NEGR1: variants seen among roughly 807,000 people sequenced by gnomAD.
NEGR1 encodes IgLON family member 4.
A neutral mutation model predicts 40.9 loss-of-function variants in NEGR1; 10 were observed. The ratio of observed to expected loss-of-function variants is 0.24; its 90% CI spans 0.15 to 0.42. The LOEUF (loss-of-function observed/expected upper bound fraction) is 0.42. NEGR1 is among the 10% of genes least tolerant of loss of function. The pLI is 1.00. For synonymous variants in NEGR1, 185 were observed against 166.8 expected, an observed-to-expected ratio of 1.11 and a Z score of -0.84; for missense variants, 352 against 438.9, an observed-to-expected ratio of 0.80 and a Z score of 1.77.
intron 1 of NEGR1, among the ~76,000 whole-genome samples, chr1:72,004,339 C>T (rs1419323274): frequency 6.6e-6 from 1 of 152,078 alleles, no homozygotes; most frequent in Non-Finnish European, 1.5e-5. Flanking sequence ...GAGAGTTTCC[C>T]TGTCTTGTCC....
intron 2 of NEGR1, among the ~76,000 whole-genome samples, chr1:71,805,846 G>T (rs1657750664): frequency 6.6e-6 from 1 of 152,092 alleles, no homozygotes; most frequent in South Asian, 2.1e-4. Context: ...AGTGGTTAAT[G>T]AAAAAATAAT....
chr1:72,026,303 T>G (rs368947446), intron 1 of NEGR1, among the ~76,000 whole-genome samples: 81 of 151,656 alleles, frequency 5.3e-4, no homozygotes, highest in African/African-American at 1.9e-3. Context: ...GCAGTCATTT[T>G]CTAGTTCGAT....
intron 4 of NEGR1, among the ~76,000 whole-genome samples, chr1:71,647,721 A>G (rs1651578581): frequency 6.6e-6 from 1 of 151,926 alleles, no homozygotes; most frequent in Non-Finnish European, 1.5e-5. Context: ...CTTTATGACT[A>G]ATGTCACTAT....
intron 1 of NEGR1, among the ~76,000 whole-genome samples, chr1:72,108,443 T>C (rs1183034145): frequency 6.6e-6 from 1 of 151,620 alleles, no homozygotes; most frequent in Non-Finnish European, 1.5e-5. Context: ...ATATGATTAA[T>C]TGGTTTGTAG....
At chr1:71,987,324 C>A (rs917371686) in intron 1 of NEGR1, among the ~76,000 whole-genome samples, 2 of 152,144 alleles carry the variant, frequency 1.3e-5, no homozygotes, top group African/African-American at 4.8e-5. Context: ...AGCTTCACAT[C>A]TGACACACAA....
chr1:71,646,129 T>G (rs1212437504), intron 4 of NEGR1, among the ~76,000 whole-genome samples: 1 of 151,828 alleles, frequency 6.6e-6, no homozygotes, highest in Non-Finnish European at 1.5e-5. Flanking sequence ...TGCTTGTGTA[T>G]GTATACATAT....
chr1:71,925,506 T>C (rs940811228), intron 2 of NEGR1, among the ~76,000 whole-genome samples: 1 of 152,192 alleles, frequency 6.6e-6, no homozygotes, highest in African/African-American at 2.4e-5. Context: ...CCAGTTTTAA[T>C]TGTGTCCATT....
chr1:71,676,444 C>A (rs539420570), intron 4 of NEGR1, among the ~76,000 whole-genome samples: 1 of 152,194 alleles, frequency 6.6e-6, no homozygotes, highest in African/African-American at 2.4e-5. Flanking sequence ...GAAATCCATA[C>A]AAATATGGTA....
chr1:71,594,053 T>A (rs577423550), intron 5 of NEGR1, among the ~76,000 whole-genome samples: 89 of 152,320 alleles, frequency 5.8e-4, no homozygotes, highest in Admixed American at 1.0e-3. Flanking sequence ...ATATCCTATA[T>A]ACATAATAAA....
At chr1:72,211,036 T>G (rs1182548161) in intron 1 of NEGR1, among the ~76,000 whole-genome samples, 1 of 151,840 alleles carries the variant, frequency 6.6e-6, no homozygotes, top group Non-Finnish European at 1.5e-5. Context: ...CAGTTTTTTG[T>G]ACATCAATTA....
chr1:71,586,708 A>G (rs1649320507), intron 6 of NEGR1, among the ~76,000 whole-genome samples: 1 of 152,116 alleles, frequency 6.6e-6, no homozygotes, highest in Non-Finnish European at 1.5e-5. Flanking sequence ...TATCTTCTTG[A>G]AAATACATAC....
intron 2 of NEGR1, among the ~76,000 whole-genome samples, chr1:71,799,152 G>A (rs956773119): frequency 1.3e-5 from 2 of 151,466 alleles, no homozygotes; most frequent in African/African-American, 4.9e-5. Context: ...CCATCAACCC[G>A]TCATCTACAT....
chr1:71,404,789 A>T lies in NEGR1; in HGVS notation c.*2657T>A, dbSNP rs1646267710. The T allele has an allele frequency of 6.6e-6, 1 of 152,276 alleles. No individual in the cohort carries two copies. The highest frequency in any genetic ancestry group is 1.5e-5 in the Non-Finnish European group (1 of 67,782). The allele number at this position is 152,276 out of a possible 1,614,324, so 9.4% of individuals were successfully genotyped here. A position where few individuals can be genotyped will look rare whatever the true frequency, so the allele number is the denominator to read the frequency against. ...CAAATTGTTATAGATTAAAAGATAA[A>T]TCAATTTATAAAACTGCTATTCTGA... On this transcript the variant is annotated 3_prime_UTR_variant, in exon 7 of 7. Coordinates refer to ENST00000357731, the MANE Select transcript of NEGR1 (RefSeq NM_173808.3).
At chr1:72,183,519 G>T (rs1170668430) in intron 1 of NEGR1, among the ~76,000 whole-genome samples, 1 of 151,966 alleles carries the variant, frequency 6.6e-6, no homozygotes, top group Non-Finnish European at 1.5e-5. Context: ...CATCTTTCTT[G>T]TTTCCCCTAT....
At chr1:71,782,651 G>T (rs1400140539) in intron 2 of NEGR1, among the ~76,000 whole-genome samples, 2 of 152,086 alleles carry the variant, frequency 1.3e-5, no homozygotes, top group African/African-American at 4.8e-5. Flanking sequence ...ATATTTCATT[G>T]TTCTTTCAGG....
At chr1:72,154,882 A>T (rs1246672713) in intron 1 of NEGR1, among the ~76,000 whole-genome samples, 3 of 151,988 alleles carry the variant, frequency 2.0e-5, no homozygotes, top group Non-Finnish European at 4.4e-5. Context: ...AAAAGATGAG[A>T]CTATCATTAG....
chr1:71,626,110 A>G (rs867756824), intron 4 of NEGR1, among the ~76,000 whole-genome samples: 33 of 151,914 alleles, frequency 2.2e-4, no homozygotes, highest in African/African-American at 7.7e-4. Context: ...TCCATAGAAA[A>G]ATTGTCTTCC....
At chr1:71,762,173 T>C (rs1246995678) in intron 3 of NEGR1, among the ~76,000 whole-genome samples, 1 of 151,650 alleles carries the variant, frequency 6.6e-6, no homozygotes, top group Non-Finnish European at 1.5e-5. Flanking sequence ...TGCAGAGATA[T>C]ATTCAAAAAC....
At chr1:72,015,496 A>C (rs1425326188) in intron 1 of NEGR1, among the ~76,000 whole-genome samples, 1 of 152,006 alleles carries the variant, frequency 6.6e-6, no homozygotes, top group African/African-American at 2.4e-5. Context: ...TTTTACCGTA[A>C]ATAAAATGAC....
Sources: allele counts gnomAD v4.1 joint callset (sites outside exome capture counted in the v4.1 genomes callset), GRCh38; gene constraint gnomAD v4.1.1; transcripts MANE v1.5; gene names NCBI Gene and HGNC (gene_info 2026-07-23, HGNC 2026-07-21).